TMEM182: variants seen among roughly 807,000 people sequenced by gnomAD.
The protein encoded by TMEM182 is transmembrane protein 182.
Under a neutral mutation model 26.8 loss-of-function variants are expected in TMEM182, and 20 were observed. The ratio of observed to expected loss-of-function variants is 0.75; its 90% confidence interval spans 0.53 to 1.09. The LOEUF (loss-of-function observed/expected upper bound fraction) is 1.09. Ranked by LOEUF, TMEM182 falls within the 50% of genes least tolerant of loss-of-function variation. The pLI is 0.00. For missense variants in TMEM182, 277 were observed against 275.5 expected, an observed-to-expected ratio of 1.01 and a Z score of -0.04; for synonymous variants, 109 against 102.2, an observed-to-expected ratio of 1.07 and a Z score of -0.40.
intron 3 of TMEM182, chr2:102,775,567 G>T (rs941979689): frequency 2.0e-5 from 3 of 152,088 alleles, no homozygotes; most frequent in African/African-American, 7.2e-5. Flanking sequence ...GGAAATAAAG[G>T]GTATTCAGTT....
rs1335806746 is a variant in TMEM182 at position 102,815,335 on chromosome 2, C to G, written c.*367C>G. ...AAAGTCTCCTTGGCATTCACTTCTGCTAATTAAAAAAAATCCTTGAAGAAT... is the reference window on the plus strand; with the variant it reads ...AAAGTCTCCTTGGCATTCACTTCTGGTAATTAAAAAAAATCCTTGAAGAAT... On this transcript the variant is annotated 3_prime_UTR_variant, in exon 5 of 5. Transcript: ENST00000412401. 3.0e-6 allele frequency: 3 copies of G among 997,960 alleles called. No homozygotes were observed. The highest frequency in any genetic ancestry group is 3.5e-5 in the African/African-American group (2 of 57,532). The allele number at this position is 997,960 out of a possible 1,614,324, so 61.8% of individuals were successfully genotyped here.
intron 4 of TMEM182, among the ~76,000 whole-genome samples, chr2:102,812,363 C>CTT (rs1220227458): frequency 6.8e-6 from 1 of 146,922 alleles, no homozygotes; most frequent in African/African-American, 2.5e-5. Context: ...GTCTCTCTCT[C>CTT]TCTCTCTTTG....
upstream of TMEM182, among the ~76,000 whole-genome samples, chr2:102,759,910 T>C (rs953741170): frequency 2.6e-5 from 4 of 152,200 alleles, no homozygotes; most frequent in African/African-American, 9.6e-5. Flanking sequence ...GCCACTCCGC[T>C]AGGACAGGTT....
downstream of TMEM182, among the ~76,000 whole-genome samples, chr2:102,818,220 T>C (rs192836360): frequency 1.4e-3 from 213 of 152,310 alleles, 2 homozygotes; most frequent in African/African-American, 5.0e-3. Flanking sequence ...TACATTTTTA[T>C]TGATTGTATG....
At chr2:102,795,413 T>C (rs1472532751) in intron 3 of TMEM182, among the ~76,000 whole-genome samples, 1 of 152,240 alleles carries the variant, frequency 6.6e-6, no homozygotes, top group Non-Finnish European at 1.5e-5. Flanking sequence ...TAAAATTCTC[T>C]GGATAATGTT....
At chr2:102,823,737 C>T (rs1393440474) in intron 3 of TMEM182, among the ~76,000 whole-genome samples, 1 of 152,198 alleles carries the variant, frequency 6.6e-6, no homozygotes, top group African/African-American at 2.4e-5. Context: ...TATGTAAACC[C>T]ATTCAAATTA....
downstream of TMEM182, among the ~76,000 whole-genome samples, chr2:102,821,022 G>A (rs1008577962): frequency 6.6e-6 from 1 of 152,148 alleles, no homozygotes. Context: ...CTGATAAAGA[G>A]TTGGATTTCT....
chr2:102,831,672 G>A (rs962917787), intron 3 of TMEM182, among the ~76,000 whole-genome samples: 7 of 152,088 alleles, frequency 4.6e-5, no homozygotes, highest in African/African-American at 1.7e-4. Flanking sequence ...CACGAGAATT[G>A]CTCAAACCTG....
At chr2:102,789,818 G>A (rs1271100530) in intron 3 of TMEM182, among the ~76,000 whole-genome samples, 1 of 74,668 alleles carries the variant, frequency 1.3e-5, no homozygotes, top group Non-Finnish European at 3.2e-5. Flanking sequence ...CACTTTTCCA[G>A]GTTCCCCATT....
exon 1 of TMEM182, chr2:102,737,005 AT>A: frequency 1.7e-6 from 1 of 593,918 alleles, no homozygotes; most frequent in South Asian, 2.1e-5. Context: ...TGGGCACATC[AT>A]CAATACGGTA....
intron 3 of TMEM182, among the ~76,000 whole-genome samples, chr2:102,837,711 G>T (rs1683273013): frequency 6.6e-6 from 1 of 152,194 alleles, no homozygotes; most frequent in African/African-American, 2.4e-5. Context: ...AGAGCAGAAT[G>T]GGGCTGATGG....
chr2:102,802,446 CA>C (rs1027740721), intron 4 of TMEM182, among the ~76,000 whole-genome samples: 9 of 152,156 alleles, frequency 5.9e-5, no homozygotes, highest in Non-Finnish European at 1.3e-4. Flanking sequence ...CAGTTCTGGG[CA>C]AAGTGTAGTC....
chr2:102,795,780 C>T (rs894680119), intron 3 of TMEM182, among the ~76,000 whole-genome samples: 1 of 152,154 alleles, frequency 6.6e-6, no homozygotes, highest in Non-Finnish European at 1.5e-5. Context: ...GCTCCTCGGA[C>T]TCTTTTTCCC....
At position 102,786,315 on chromosome 2, in the gene TMEM182, A is replaced by G. The variant is rs1681394279; in HGVS notation, c.332-11548A>G. On this transcript the variant is annotated intron_variant, in intron 3 of 4. Transcript: ENST00000412401. ...CTGTAACCTCTGCCACCTGGGTTCA[A>G]GTGATTCTCCTGCCTCAGCCTCCTG... 2.0e-5 allele frequency among the ~76,000 whole-genome samples: 3 copies of G among 148,298 alleles called. No homozygotes were observed. The South Asian group carries it at 6.4e-4, about 31-fold the overall frequency.
At position 102,764,195 on chromosome 2, in the gene TMEM182, G is replaced by A. The variant is rs112677496; in HGVS notation, c.233-134G>A. The A allele has an allele frequency of 5.5e-4, 440 of 800,900 alleles. 3 individuals are homozygous for A. Among genetic ancestry groups the A allele is most frequent in the Admixed American group, 2.9e-3 (130 of 44,276 alleles). The allele number at this position is 800,900 out of a possible 1,614,324, so 49.6% of individuals were successfully genotyped here. A position where few individuals can be genotyped will look rare whatever the true frequency, so the allele number is the denominator to read the frequency against. ...AAGGCCTTCCTCCTCACAACAATTC[G>A]CTGAATTTGCTGATGGAACCAGTAG... is the stretch of plus-strand genomic sequence containing the variant. On this transcript the variant is annotated intron_variant, in intron 2 of 4. Coordinates refer to ENST00000412401, the MANE Select transcript of TMEM182 (RefSeq NM_144632.5).
Position 102,817,310 on chromosome 2 carries a change from T to C in TMEM182, c.*2342T>C, listed in dbSNP as rs965920568. 1 of 985,354 alleles carries C rather than the reference T, an allele frequency of 1.0e-6. No individual in the cohort carries two copies. Among genetic ancestry groups the C allele is most frequent in the Non-Finnish European group, 1.2e-6 (1 of 829,932 alleles). The allele number at this position is 985,354 out of a possible 1,614,324, so 61.0% of individuals were successfully genotyped here. On this transcript the variant is annotated 3_prime_UTR_variant, in exon 5 of 5. Transcript: ENST00000412401. ...GTGTTAGAATCTTTTTGAAAAATGT[T>C]GATTTTGCATCATAAAGTTTCAATT... is the stretch of plus-strand genomic sequence containing the variant.
intron 3 of TMEM182, chr2:102,775,019 C>G (rs1178917204): frequency 6.6e-6 from 1 of 152,110 alleles, no homozygotes; most frequent in Admixed American, 6.5e-5. Context: ...TACAAAAAAT[C>G]TTGCTGACAC....
intron 1 of TMEM182, among the ~76,000 whole-genome samples, chr2:102,747,283 G>A (rs1679729449): frequency 6.6e-6 from 1 of 152,178 alleles, no homozygotes; most frequent in African/African-American, 2.4e-5. Context: ...CAGTGTAAGG[G>A]TGTGTGTTTA....
At chr2:102,785,465 A>T (rs796367260) in intron 3 of TMEM182, among the ~76,000 whole-genome samples, 2 of 152,166 alleles carry the variant, frequency 1.3e-5, no homozygotes, top group African/African-American at 4.8e-5. Flanking sequence ...TTGGTGGCAC[A>T]TATTGTACTT....
Sources: gnomAD v4.1 joint callset for allele counts (sites outside exome capture counted in the v4.1 genomes callset) on GRCh38, gnomAD v4.1.1 for gene constraint, MANE v1.5 for transcripts, NCBI Gene and HGNC (gene_info 2026-07-23, HGNC 2026-07-21) for gene names.